TMCO1: variants seen among roughly 807,000 people sequenced by gnomAD.
TMCO1 encodes transmembrane and coiled-coil domains 1, also known as calcium load-activated calcium channel.
TMCO1 carries 29 observed loss-of-function variants against 29.3 expected under a neutral mutation model. That is an observed-to-expected ratio of 0.99 (90% CI 0.74 to 1.35). TMCO1 has a LOEUF of 1.35. Among genes scored for constraint, TMCO1 ranks in the 40% most tolerant of loss-of-function variants. The pLI is 0.00. For synonymous variants in TMCO1, 80 were observed against 77.1 expected (o/e 1.04, Z -0.20); for missense variants, 173 against 225.5 (o/e 0.77, Z 1.49).
rs1651102486 is a variant in TMCO1, at chr1:165,730,339, CA to C, written c.469-2219del. ...GCGACGGCGAGACTCCGTCTCAAAA[CA>C]AAAACAAAACAAAACAAAAAAAAAA... On this transcript the variant is annotated intron_variant, in intron 6 of 6. Transcript: ENST00000367881. 5.6e-5 allele frequency among the ~76,000 whole-genome samples: 3 copies of C among 53,684 alleles called. No homozygotes were observed. In the South Asian group the frequency reaches 3.1e-3, roughly 56 times the overall value. The allele number at this position is 53,684 out of a possible 152,430, so 35.2% of individuals were successfully genotyped here. A position where few individuals can be genotyped will look rare whatever the true frequency, so the allele number is the denominator to read the frequency against.
At chr1:165,732,064 C>G (rs1046313979) in intron 6 of TMCO1, among the ~76,000 whole-genome samples, 6 of 152,180 alleles carry the variant, frequency 3.9e-5, no homozygotes, top group African/African-American at 1.4e-4. Flanking sequence ...GCTTTTCCAT[C>G]AGTGAAATCT....
chr1:165,757,905 A>C (rs1159564151), intron 3 of TMCO1, among the ~76,000 whole-genome samples: 1 of 152,220 alleles, frequency 6.6e-6, no homozygotes, highest in Non-Finnish European at 1.5e-5. Flanking sequence ...CCGTGTTGCC[A>C]ATTTAAGGAC....
In TMCO1 at chr1:165,752,102, A is replaced by T; in HGVS notation, c.323T>A (p.Ile108Lys). 1.2e-6 allele frequency: 2 copies of T among 1,610,752 alleles called. No homozygotes were observed. The highest frequency in any genetic ancestry group is 1.7e-6 in the Non-Finnish European group (2 of 1,177,020). Residue 108 changes from isoleucine (I) to lysine (K), a missense_variant and splice_region_variant, in exon 5 of 7, where the codon ATA becomes AAA. Coordinates refer to ENST00000367881, the MANE Select transcript of TMCO1 (RefSeq NM_019026.6). ...CAAAAGCATATAAAAGGACACTCAC[A>T]TGGAATTGAACATTCCCATTAGGGC... Reference protein sequence around the residue: ...FTALMGMFNSIFDGRVVAKLP... With the variant: ...FTALMGMFNSKFDGRVVAKLP...
downstream of TMCO1, chr1:165,725,228 C>A (rs1215835202): frequency 1.1e-5 from 5 of 453,508 alleles, no homozygotes; most frequent in East Asian, 2.8e-4. Flanking sequence ...TATAAATAGT[C>A]TGAAAAAAAC....
intron 6 of TMCO1, among the ~76,000 whole-genome samples, chr1:165,732,214 A>G (rs1651187146): frequency 6.6e-6 from 1 of 152,126 alleles, no homozygotes; most frequent in Admixed American, 6.6e-5. Context: ...AAACAGTTCT[A>G]AGGACTAGAT....
At chr1:165,729,376 G>A (rs1440374485) in intron 6 of TMCO1, among the ~76,000 whole-genome samples, 1 of 150,772 alleles carries the variant, frequency 6.6e-6, no homozygotes, top group African/African-American at 2.4e-5. Flanking sequence ...GAGTACAGTG[G>A]CACGATGTCG....
At chr1:165,738,951 G>A (rs112180478) in intron 6 of TMCO1, among the ~76,000 whole-genome samples, 3,280 of 152,082 alleles carry the variant, frequency 0.022, 122 homozygotes, top group African/African-American at 0.074. Flanking sequence ...TTTCTCATGC[G>A]TGTCATGCAG....
At chr1:165,758,470 C>T (rs1168241887) in intron 3 of TMCO1, among the ~76,000 whole-genome samples, 1 of 151,810 alleles carries the variant, frequency 6.6e-6, no homozygotes, top group Non-Finnish European at 1.5e-5. Context: ...GCAGGAAAAT[C>T]GCTTGAACCC....
At chr1:165,757,893 C>T (rs1571228582) in intron 3 of TMCO1, among the ~76,000 whole-genome samples, 1 of 152,206 alleles carries the variant, frequency 6.6e-6, no homozygotes. Context: ...AATTCAGATA[C>T]ACCGTGTTGC....
At chr1:165,750,032 A>C (rs1223914571) in intron 5 of TMCO1, among the ~76,000 whole-genome samples, 1 of 152,184 alleles carries the variant, frequency 6.6e-6, no homozygotes, top group African/African-American at 2.4e-5. Flanking sequence ...GATACATCAT[A>C]ATTTCCAGTG....
At chr1:165,743,098 A>T in intron 6 of TMCO1, 69 bp downstream of exon 6, 1 of 1,569,696 alleles carries the variant, frequency 6.4e-7, no homozygotes, top group Non-Finnish European at 8.8e-7. Context: ...TAGTATTATA[A>T]AAGTAAAAGC....
At chr1:165,752,064 A>AT (rs1652012261) in intron 5 of TMCO1, 38 bp downstream of exon 5, 17 of 1,456,250 alleles carry the variant, frequency 1.2e-5, no homozygotes, top group Non-Finnish European at 1.6e-5. Context: ...AATATAGAGT[A>AT]ATAGTTATTA....
chr1:165,733,336 T>C (rs930947800), intron 6 of TMCO1, among the ~76,000 whole-genome samples: 2 of 152,160 alleles, frequency 1.3e-5, no homozygotes, highest in African/African-American at 4.8e-5. Context: ...AGATTTAGTT[T>C]AGAAATATGC....
intron 5 of TMCO1, among the ~76,000 whole-genome samples, chr1:165,750,592 TA>T (rs2101805252): frequency 6.7e-6 from 1 of 149,484 alleles, no homozygotes; most frequent in South Asian, 2.1e-4. Flanking sequence ...TGGAACATTA[TA>T]AAGACATTTC....
chr1:165,725,427 T>C (rs1558024770), downstream of TMCO1: 2 of 454,116 alleles, frequency 4.4e-6, no homozygotes, highest in Non-Finnish European at 4.4e-6. Context: ...ATTTCCAAAC[T>C]AGCTTAGCTT....
intron 6 of TMCO1, 86 bp downstream of exon 6, chr1:165,743,081 A>C (rs1330801919): frequency 2.1e-5 from 32 of 1,515,694 alleles, no homozygotes; most frequent in Non-Finnish European, 1.8e-5. Context: ...CAATGGGTAA[A>C]CATTTCTAGT....
chr1:165,737,275 A>G (rs897230141), intron 6 of TMCO1, among the ~76,000 whole-genome samples: 1 of 152,174 alleles, frequency 6.6e-6, no homozygotes, highest in Non-Finnish European at 1.5e-5. Context: ...GTTAACACAG[A>G]TTAGAGGAGT....
chr1:165,740,093 T>C (rs7552679), intron 6 of TMCO1, among the ~76,000 whole-genome samples: 135,736 of 152,050 alleles, frequency 0.89, 60,704 homozygotes, highest in East Asian at 0.99. Flanking sequence ...GCCTGGGTGA[T>C]GGAGTGAGAT....
chr1:165,767,675 T>A, intron 2 of TMCO1, among the ~76,000 whole-genome samples: 1 of 152,334 alleles, frequency 6.6e-6, no homozygotes, highest in African/African-American at 2.4e-5. Flanking sequence ...CACAACTGAA[T>A]GAAGCCTCTT....
Sources: gnomAD v4.1 joint callset for allele counts (sites outside exome capture counted in the v4.1 genomes callset) on GRCh38, gnomAD v4.1.1 for gene constraint, MANE v1.5 for transcripts, NCBI Gene and HGNC (gene_info 2026-07-23, HGNC 2026-07-21) for gene names.